PTPRG: variants seen among roughly 807,000 people sequenced by gnomAD.
The protein encoded by PTPRG is receptor-type tyrosine-protein phosphatase gamma.
A neutral mutation model predicts 165.3 loss-of-function variants in PTPRG; 102 were observed. That is an observed-to-expected ratio of 0.62 (90% CI 0.53 to 0.73). The LOEUF (loss-of-function observed/expected upper bound fraction) is 0.73, where lower values mean the gene tolerates loss of function less well. PTPRG is among the 30% of genes least tolerant of loss of function. The pLI, the probability that PTPRG is intolerant of heterozygous loss-of-function variation, is 0.00. For synonymous variants in PTPRG, 675 were observed against 669.5 expected (o/e 1.01, Z -0.13); for missense variants, 1,866 against 1,861.4 (o/e 1.00, Z -0.05).
chr3:61,666,878 G>C (rs901626595), intron 1 of PTPRG, among the ~76,000 whole-genome samples: 1 of 152,180 alleles, frequency 6.6e-6, no homozygotes, highest in Non-Finnish European at 1.5e-5. Context: ...GCTGATGTCA[G>C]GTGTTTTCTT....
At chr3:62,293,039 A>G (rs1430075622) in intron 29 of PTPRG, 122 bp from the exon 30 acceptor site, 3 of 827,766 alleles carry the variant, frequency 3.6e-6, no homozygotes, top group Non-Finnish European at 5.5e-6. Flanking sequence ...TTTAGATAAC[A>G]TTTATGCTAT....
Position 62,277,607 on chromosome 3 carries a change from G to A in PTPRG, c.3693G>A (p.Thr1231=), listed in dbSNP as rs753782144. Residue 1231 remains threonine, a synonymous_variant, in exon 26 of 30, where the codon ACG becomes ACA. Transcript: ENST00000474889. Reference sequence around the variant, plus strand: ...CTCAGCATCCTCTGCCACATACTACGAAAGATTTCTGGCGAATGATTTGGG... The same window carrying A: ...CTCAGCATCCTCTGCCACATACTACAAAAGATTTCTGGCGAATGATTTGGG... ...IITQHPLPHT[T]KDFWRMIWDH... The A allele has an allele frequency of 9.3e-6, 15 of 1,612,466 alleles. No individual in the cohort carries two copies. The highest frequency in any genetic ancestry group is 8.8e-5 in the South Asian group (8 of 91,052).
At chr3:61,973,427 A>C (rs1289117137) in intron 2 of PTPRG, among the ~76,000 whole-genome samples, 1 of 152,148 alleles carries the variant, frequency 6.6e-6, no homozygotes, top group Non-Finnish European at 1.5e-5. Flanking sequence ...TAAAAGGAAA[A>C]ATGTATGTGC....
intron 5 of PTPRG, among the ~76,000 whole-genome samples, chr3:62,126,602 T>G (rs1297803297): frequency 2.6e-5 from 4 of 152,216 alleles, no homozygotes; most frequent in African/African-American, 9.6e-5. Flanking sequence ...CCATACCTTT[T>G]GCTTCAGTCA....
At chr3:62,275,511 GCA>G (rs889267284) in intron 23 of PTPRG, among the ~76,000 whole-genome samples, 6 of 152,178 alleles carry the variant, frequency 3.9e-5, no homozygotes, top group African/African-American at 1.4e-4. Context: ...CACTAGGAAA[GCA>G]CAAGAGTGTT....
intron 1 of PTPRG, among the ~76,000 whole-genome samples, chr3:61,674,294 C>T (rs1399138494): frequency 6.6e-6 from 1 of 151,802 alleles, no homozygotes; most frequent in Non-Finnish European, 1.5e-5. Flanking sequence ...ATCTCCAGCT[C>T]CCCGCTCTTT....
chr3:62,046,215 A>G (rs767733619), intron 4 of PTPRG, among the ~76,000 whole-genome samples: 4 of 152,170 alleles, frequency 2.6e-5, no homozygotes, highest in Non-Finnish European at 5.9e-5. Context: ...CTGAAATGGC[A>G]TGATGTTGAT....
intron 2 of PTPRG, among the ~76,000 whole-genome samples, chr3:61,903,789 G>T (rs1019842956): frequency 1.6e-4 from 24 of 152,176 alleles, no homozygotes; most frequent in Non-Finnish European, 3.1e-4. Context: ...CATATAGTGT[G>T]TATATTAAAC....
At chr3:62,047,564 A>T (rs7618474) in intron 4 of PTPRG, among the ~76,000 whole-genome samples, 36,117 of 152,020 alleles carry the variant, frequency 0.24, 4,756 homozygotes, top group African/African-American at 0.32. Flanking sequence ...GCCCAGCCCC[A>T]GCTTCCTATT....
At chr3:62,085,020 G>A (rs1701702002) in intron 5 of PTPRG, among the ~76,000 whole-genome samples, 1 of 152,170 alleles carries the variant, frequency 6.6e-6, no homozygotes, top group African/African-American at 2.4e-5. Flanking sequence ...GCATTAGGGG[G>A]TAGAGCCTGA....
In PTPRG at chr3:62,190,629, G is replaced by T. The variant is rs568980991; in HGVS notation, c.1034-840G>T. ...AATTACACGGGGTTCTGCTGTTCCA[G>T]AGAAAGTCATCCTTGTGTTATGTGA... On this transcript the variant is annotated intron_variant, in intron 8 of 29. Coordinates refer to ENST00000474889, the MANE Select transcript of PTPRG (RefSeq NM_002841.4). This position sits in a 1 kb window ranked among gnomAD's most constrained non-coding sequence, Gnocchi z 5.2. 1.1e-4 allele frequency among the ~76,000 whole-genome samples: 17 copies of T among 152,284 alleles called. No individual in the cohort carries two copies. The highest frequency in any genetic ancestry group is 4.1e-4 in the African/African-American group (17 of 41,558).
At chr3:62,220,179 G>T (rs1437220670) in intron 13 of PTPRG, among the ~76,000 whole-genome samples, 1 of 152,238 alleles carries the variant, frequency 6.6e-6, no homozygotes, top group Non-Finnish European at 1.5e-5. Flanking sequence ...TAAGGTGGCA[G>T]AAAAGGGTAT....
chr3:62,196,047 C>T (rs894089892), intron 10 of PTPRG, among the ~76,000 whole-genome samples: 1 of 151,864 alleles, frequency 6.6e-6, no homozygotes, highest in Non-Finnish European at 1.5e-5. Context: ...CTTAGCCTCC[C>T]AAAGCTCTGA....
intron 4 of PTPRG, among the ~76,000 whole-genome samples, chr3:62,062,421 T>G (rs1700847263): frequency 6.6e-6 from 1 of 152,146 alleles, no homozygotes; most frequent in Non-Finnish European, 1.5e-5. Context: ...CACAGCAAAA[T>G]TCTTTCAGCT....
chr3:62,149,643 C>T (rs1704253951), intron 6 of PTPRG, among the ~76,000 whole-genome samples: 1 of 152,194 alleles, frequency 6.6e-6, no homozygotes, highest in Non-Finnish European at 1.5e-5. Flanking sequence ...TCTTTCTTTC[C>T]TCCCAACTTG....
In PTPRG at chr3:62,271,678, T is replaced by C; in HGVS notation, c.3182+123T>C. On this transcript the variant is annotated intron_variant, in intron 21 of 29. Transcript: ENST00000474889. The surrounding 1 kb of genome is among the most constrained non-coding windows in gnomAD (Gnocchi z 4.1). ...CTGAATCTTCCACTGGAAACTGGGA[T>C]GGATAAGACCTATGATAGTCTTAAA... 3.6e-6 allele frequency: 3 copies of C among 835,134 alleles called. No individual in the cohort carries two copies. Among genetic ancestry groups the C allele is most frequent in the Middle Eastern group, 7.3e-4 (2 of 2,742 alleles). 51.7% of individuals were successfully genotyped at this position (835,134 alleles called of 1,614,324 possible).
chr3:62,040,910 T>A (rs1431264357), intron 4 of PTPRG, among the ~76,000 whole-genome samples: 1 of 152,182 alleles, frequency 6.6e-6, no homozygotes, highest in East Asian at 1.9e-4. Flanking sequence ...TTTGGGTGAC[T>A]GACTTAGGCT....
intron 4 of PTPRG, among the ~76,000 whole-genome samples, chr3:62,017,583 T>C (rs1404043883): frequency 1.2e-5 from 1 of 83,362 alleles, no homozygotes; most frequent in African/African-American, 4.0e-5. Flanking sequence ...GCCCGGCTAA[T>C]TTTTTGTATT....
intron 1 of PTPRG, among the ~76,000 whole-genome samples, chr3:61,680,545 C>A (rs1703400306): frequency 3.1e-5 from 4 of 131,126 alleles, no homozygotes; most frequent in Admixed American, 1.6e-4. Flanking sequence ...GGGAGCCTGG[C>A]AAAATATGTG....
Sources: gnomAD v4.1 joint callset for allele counts (sites outside exome capture counted in the v4.1 genomes callset) on GRCh38, gnomAD v4.1.1 for gene constraint, Gnocchi (gnomAD v3.1) non-coding constraint, MANE v1.5 for transcripts, NCBI Gene and HGNC (gene_info 2026-07-23, HGNC 2026-07-21) for gene names.